Variants in ADGRL3 observed in about 807,000 individuals in gnomAD.
The protein encoded by ADGRL3 is calcium-independent alpha-latrotoxin receptor 3.
Under a neutral mutation model 153.5 loss-of-function variants are expected in ADGRL3, and 62 were observed. That is an observed-to-expected ratio of 0.40 (90% CI 0.33 to 0.50). The LOEUF (loss-of-function observed/expected upper bound fraction) is 0.50. Among genes scored for constraint, ADGRL3 ranks in the 20% least tolerant of loss-of-function variants. ADGRL3 has a pLI of 0.47. For missense variants in ADGRL3, 1,641 were observed against 1,859.4 expected (o/e 0.88, Z 2.16); for synonymous variants, 710 against 672.5 (o/e 1.06, Z -0.86).
chr4:61,255,593 T>C (rs746776618), intron 1 of ADGRL3, among the ~76,000 whole-genome samples: 1 of 152,226 alleles, frequency 6.6e-6, no homozygotes, highest in Non-Finnish European at 1.5e-5. Flanking sequence ...CATGAAAATC[T>C]ATTAAATGCA....
At chr4:61,598,815 A>C (rs529721161) in intron 5 of ADGRL3, among the ~76,000 whole-genome samples, 2 of 152,288 alleles carry the variant, frequency 1.3e-5, no homozygotes, top group South Asian at 4.1e-4. Flanking sequence ...AAATGACTAT[A>C]TTTTATCCAT....
rs1373976821 is a variant in ADGRL3, at chr4:61,536,615, T to G, written c.259+19097T>G. 2.0e-5 allele frequency among the ~76,000 whole-genome samples: 3 copies of G among 152,142 alleles called. 1 individual carries two copies. The highest frequency in any genetic ancestry group is 4.1e-4 in the South Asian group (2 of 4,830). On this transcript the variant is annotated intron_variant, in intron 4 of 26. Coordinates refer to ENST00000683033, the MANE Select transcript of ADGRL3 (RefSeq NM_001387552.1). ...GGATAGGTAAATCTTCTTGTTGCAT[T>G]GAACCCTTTATCATTATATAATGCC...
chr4:61,528,347 G>C (rs913038355), intron 4 of ADGRL3, among the ~76,000 whole-genome samples: 1 of 151,948 alleles, frequency 6.6e-6, no homozygotes, highest in African/African-American at 2.4e-5. Context: ...TCTGGAGGTT[G>C]GAATATGACA....
intron 9 of ADGRL3, among the ~76,000 whole-genome samples, chr4:61,837,857 C>T (rs2097959680): frequency 6.6e-6 from 1 of 151,984 alleles, no homozygotes; most frequent in Non-Finnish European, 1.5e-5. Flanking sequence ...GTAAACAGAC[C>T]TTATTTCCTA....
intron 13 of ADGRL3, among the ~76,000 whole-genome samples, chr4:61,933,199 C>T (rs988430165): frequency 2.0e-5 from 3 of 152,094 alleles, no homozygotes; most frequent in Non-Finnish European, 4.4e-5. Flanking sequence ...ATCATCTAAT[C>T]CCTGAAGGAA....
intron 1 of ADGRL3, among the ~76,000 whole-genome samples, chr4:61,336,880 G>A (rs191100027): frequency 1.4e-5 from 2 of 138,388 alleles, no homozygotes; most frequent in Non-Finnish European, 3.1e-5. Flanking sequence ...TTTTTTACTA[G>A]CTTTGAAGAA....
intron 1 of ADGRL3, among the ~76,000 whole-genome samples, chr4:61,308,631 T>C (rs1485764774): frequency 6.6e-5 from 10 of 152,156 alleles, no homozygotes; most frequent in Non-Finnish European, 1.2e-4. Flanking sequence ...CAGTCAGTAA[T>C]AAAAATAAAG....
chr4:61,680,949 C>A (rs2095322670), intron 6 of ADGRL3, among the ~76,000 whole-genome samples: 1 of 152,066 alleles, frequency 6.6e-6, no homozygotes, highest in Non-Finnish European at 1.5e-5. Context: ...CTGTTCCTAG[C>A]ACACCTCAGT....
chr4:61,745,538 C>A (rs58001789), intron 8 of ADGRL3, among the ~76,000 whole-genome samples: 13,139 of 152,096 alleles, frequency 0.086, 1,198 homozygotes, highest in African/African-American at 0.23. Flanking sequence ...AGCCAGAAGA[C>A]AGTGGGGGCC....
At chr4:61,237,722 A>G (rs984702689) in intron 1 of ADGRL3, among the ~76,000 whole-genome samples, 3 of 152,222 alleles carry the variant, frequency 2.0e-5, no homozygotes, top group Non-Finnish European at 4.4e-5. Flanking sequence ...GTTTTGCATT[A>G]GCTTTTTGAA....
chr4:61,288,922 G>A (rs2094054847), intron 1 of ADGRL3, among the ~76,000 whole-genome samples: 1 of 151,930 alleles, frequency 6.6e-6, no homozygotes, highest in Non-Finnish European at 1.5e-5. Flanking sequence ...TTATACTGGT[G>A]TGCTTCCTCA....
Position 62,070,972 on chromosome 4 carries a change from A to G in ADGRL3, c.*64A>G. 3 of 1,324,288 alleles carry G rather than the reference A, an allele frequency of 2.3e-6. No individual in the cohort carries two copies. The highest frequency in any genetic ancestry group is 2.9e-5 in the South Asian group (2 of 68,440). The allele number at this position is 1,324,288 out of a possible 1,614,324, so 82.0% of individuals were successfully genotyped here. ...ACCTTGTTGACTGTTCTGAGTTGAT[A>G]TAAGCAGTGGTAATAATGTGTGTAC... On this transcript the variant is annotated 3_prime_UTR_variant, in exon 27 of 27. Coordinates refer to ENST00000683033, the MANE Select transcript of ADGRL3 (RefSeq NM_001387552.1).
intron 5 of ADGRL3, among the ~76,000 whole-genome samples, chr4:61,601,453 C>G (rs1389733827): frequency 6.6e-6 from 1 of 152,106 alleles, no homozygotes; most frequent in Non-Finnish European, 1.5e-5. Context: ...TGAATGAGCT[C>G]TACTCAATGA....
At chr4:61,226,666 A>T (rs932552573) in intron 1 of ADGRL3, among the ~76,000 whole-genome samples, 1 of 152,166 alleles carries the variant, frequency 6.6e-6, no homozygotes, top group African/African-American at 2.4e-5. Flanking sequence ...GGGATGATGG[A>T]GGAAGACCCT....
chr4:61,217,174 A>G (rs1243734294), intron 1 of ADGRL3, among the ~76,000 whole-genome samples: 3 of 152,212 alleles, frequency 2.0e-5, no homozygotes, highest in African/African-American at 7.2e-5. Flanking sequence ...AAGAGGAATT[A>G]AGCAATGTAT....
At chr4:61,448,974 G>A (rs1382313063) in intron 2 of ADGRL3, among the ~76,000 whole-genome samples, 1 of 152,034 alleles carries the variant, frequency 6.6e-6, no homozygotes, top group East Asian at 1.9e-4. Flanking sequence ...ATGTTTATGT[G>A]GAGATATATG....
intron 24 of ADGRL3, among the ~76,000 whole-genome samples, chr4:62,039,849 T>C (rs1727220230): frequency 6.6e-6 from 1 of 152,168 alleles, no homozygotes; most frequent in Non-Finnish European, 1.5e-5. Context: ...CGCATGCTTT[T>C]CACATTACTG....
intron 2 of ADGRL3, among the ~76,000 whole-genome samples, chr4:61,471,720 G>T (rs1424216040): frequency 1.3e-5 from 2 of 151,906 alleles, no homozygotes; most frequent in Non-Finnish European, 2.9e-5. Context: ...TCTGACAACA[G>T]TGCAGTATTT....
At chr4:61,925,066 T>C (rs1358979393) in intron 13 of ADGRL3, among the ~76,000 whole-genome samples, 1 of 152,218 alleles carries the variant, frequency 6.6e-6, no homozygotes, top group Non-Finnish European at 1.5e-5. Flanking sequence ...GAAGTAATGA[T>C]ATACAATTGT....
Sources: allele counts gnomAD v4.1 joint callset (sites outside exome capture counted in the v4.1 genomes callset), GRCh38; gene constraint gnomAD v4.1.1; transcripts MANE v1.5; gene names NCBI Gene and HGNC (gene_info 2026-07-23, HGNC 2026-07-21).